The following WDR72 variants were observed in gnomAD, a reference collection of about 807,000 sequenced individuals.
WDR72 encodes WD repeat domain 72.
In WDR72, 120 loss-of-function variants were observed where a neutral mutation model predicts 124.2. The observed-to-expected ratio is 0.97, with a 90% CI of 0.83 to 1.12. WDR72 has a LOEUF of 1.12. Ranked by LOEUF, WDR72 falls within the 50% of genes most tolerant of loss-of-function variation. The pLI is 0.00. For missense variants in WDR72, 1,387 were observed against 1,278.8 expected (o/e 1.08, Z -1.29); for synonymous variants, 452 against 441.7 (o/e 1.02, Z -0.29).
At chr15:53,532,607 AT>A (rs1892542865) in intron 18 of WDR72, among the ~76,000 whole-genome samples, 1 of 97,278 alleles carries the variant, frequency 1.0e-5, no homozygotes, top group Non-Finnish European at 2.4e-5. Flanking sequence ...ACTCTTAGAG[AT>A]AGAGAGTAGA....
chr15:53,667,797 G>A (rs1047021099), intron 13 of WDR72, among the ~76,000 whole-genome samples: 1 of 152,050 alleles, frequency 6.6e-6, no homozygotes, highest in African/African-American at 2.4e-5. Context: ...CATTTGTTAT[G>A]TGCCTTATGC....
chr15:53,605,125 T>G (rs908304772), intron 17 of WDR72, among the ~76,000 whole-genome samples: 5 of 152,212 alleles, frequency 3.3e-5, no homozygotes, highest in Admixed American at 1.3e-4. Flanking sequence ...AAAGAAAATG[T>G]GGCTCATATA....
intron 1 of WDR72, among the ~76,000 whole-genome samples, chr15:53,752,207 T>A (rs2018791742): frequency 6.6e-6 from 1 of 152,222 alleles, no homozygotes; most frequent in South Asian, 2.1e-4. Flanking sequence ...AATTTGATTT[T>A]TTCAAAAATC....
chr15:53,582,066 C>A (rs1401766365), intron 18 of WDR72, among the ~76,000 whole-genome samples: 1 of 151,838 alleles, frequency 6.6e-6, no homozygotes, highest in Non-Finnish European at 1.5e-5. Flanking sequence ...GATGCCTTCA[C>A]CCTCTTCATA....
intron 14 of WDR72, among the ~76,000 whole-genome samples, chr15:53,643,378 C>T (rs1177403438): frequency 6.6e-6 from 1 of 152,094 alleles, no homozygotes; most frequent in Non-Finnish European, 1.5e-5. Flanking sequence ...GTTAAACCAT[C>T]ACCCACAGTA....
rs767845071 is a variant in WDR72, at chr15:53,722,928, G to C, written c.154-20C>G. 2 of 1,591,630 alleles carry C rather than the reference G, an allele frequency of 1.3e-6. No homozygotes were observed. The highest frequency in any genetic ancestry group is 1.7e-6 in the Non-Finnish European group (2 of 1,159,740). ...TGAAATCTGAAAATAATGAGAGTGAGCTTTTAAATAATTGTAAACTGTTTG... is the reference window on the plus strand; with the variant it reads ...TGAAATCTGAAAATAATGAGAGTGACCTTTTAAATAATTGTAAACTGTTTG... On this transcript the variant is annotated intron_variant, in intron 2 of 19. Coordinates refer to ENST00000360509, the MANE Select transcript of WDR72 (RefSeq NM_182758.4).
At chr15:53,657,075 T>G (rs1294929097) in intron 14 of WDR72, among the ~76,000 whole-genome samples, 1 of 151,624 alleles carries the variant, frequency 6.6e-6, no homozygotes. Context: ...CCATCCTGGC[T>G]AACACAGTGA....
At chr15:53,626,137 A>G (rs1470403898) in intron 14 of WDR72, among the ~76,000 whole-genome samples, 1 of 152,070 alleles carries the variant, frequency 6.6e-6, no homozygotes, top group African/African-American at 2.4e-5. Context: ...GCAGCTTCCA[A>G]AATAGCGGCA....
chr15:53,630,314 T>C (rs1341232817), intron 14 of WDR72, among the ~76,000 whole-genome samples: 7 of 152,124 alleles, frequency 4.6e-5, no homozygotes, highest in African/African-American at 4.8e-5. Flanking sequence ...TTGATAAATA[T>C]GTCCAAAAAA....
chr15:53,581,929 A>G (rs2011950255), intron 18 of WDR72, among the ~76,000 whole-genome samples: 1 of 152,036 alleles, frequency 6.6e-6, no homozygotes, highest in Non-Finnish European at 1.5e-5. Flanking sequence ...AAACATTTAA[A>G]ATTTTATAAT....
intron 13 of WDR72, among the ~76,000 whole-genome samples, chr15:53,689,245 C>G (rs974603285): frequency 4.6e-5 from 7 of 151,390 alleles, no homozygotes; most frequent in Non-Finnish European, 7.4e-5. Context: ...AGCTTCTGCA[C>G]AGCAAAAGAA....
intron 18 of WDR72, among the ~76,000 whole-genome samples, chr15:53,566,154 A>C (rs967366938): frequency 2.0e-5 from 3 of 151,976 alleles, no homozygotes; most frequent in Admixed American, 1.3e-4. Flanking sequence ...CTATAACCAC[A>C]CTAACTGTTA....
chr15:53,566,071 G>A (rs1008800634), intron 18 of WDR72, among the ~76,000 whole-genome samples: 1 of 151,914 alleles, frequency 6.6e-6, no homozygotes, highest in African/African-American at 2.4e-5. Context: ...GGGAGAGCAA[G>A]GATTTTTACT....
chr15:53,539,268 T>C (rs888472889), intron 18 of WDR72, among the ~76,000 whole-genome samples: 1 of 152,034 alleles, frequency 6.6e-6, no homozygotes, highest in Non-Finnish European at 1.5e-5. Context: ...CTAGAATAAT[T>C]GAAAAGCCAT....
intron 14 of WDR72, among the ~76,000 whole-genome samples, chr15:53,620,273 TTA>T (rs1167129692): frequency 6.6e-6 from 1 of 151,964 alleles, no homozygotes; most frequent in Non-Finnish European, 1.5e-5. Context: ...GCAAAATACA[TTA>T]TGACATACAT....
At chr15:53,684,995 A>G (rs1178656469) in intron 13 of WDR72, among the ~76,000 whole-genome samples, 1 of 152,222 alleles carries the variant, frequency 6.6e-6, no homozygotes, top group Non-Finnish European at 1.5e-5. Flanking sequence ...CCTGCAGCTG[A>G]GGGTCCTGTC....
chr15:53,639,002 G>A, intron 14 of WDR72, among the ~76,000 whole-genome samples: 1 of 151,740 alleles, frequency 6.6e-6, no homozygotes, highest in Non-Finnish European at 1.5e-5. Context: ...GAAAAAAAAA[G>A]AACCATGGTC....
intron 14 of WDR72, among the ~76,000 whole-genome samples, chr15:53,656,931 G>A (rs536793048): frequency 6.6e-6 from 1 of 152,144 alleles, no homozygotes; most frequent in Non-Finnish European, 1.5e-5. Flanking sequence ...ACTACAAGAA[G>A]CAGGATCTTA....
chr15:53,734,625 T>C (rs554721313), intron 1 of WDR72, among the ~76,000 whole-genome samples: 2 of 151,988 alleles, frequency 1.3e-5, no homozygotes, highest in South Asian at 2.1e-4. Context: ...ACTAAATTAG[T>C]ATGTGGCTTT....
Sources: gnomAD v4.1 joint callset for allele counts (sites outside exome capture counted in the v4.1 genomes callset) on GRCh38, gnomAD v4.1.1 for gene constraint, MANE v1.5 for transcripts, NCBI Gene and HGNC (gene_info 2026-07-23, HGNC 2026-07-21) for gene names.